The following BDNF variants were observed in gnomAD, a reference collection of about 807,000 sequenced individuals.
BDNF encodes brain derived neurotrophic factor.
BDNF carries 1 observed loss-of-function variant against 19.5 expected under a neutral mutation model. That is an observed-to-expected ratio of 0.05 (90% CI 0.02 to 0.24). The LOEUF (loss-of-function observed/expected upper bound fraction) is 0.24, where lower values mean the gene tolerates loss of function less well. Among genes scored for constraint, BDNF ranks in the 10% least tolerant of loss-of-function variants. The pLI is 1.00. For synonymous variants in BDNF, 100 were observed against 121.6 expected, an observed-to-expected ratio of 0.82 and a Z score of 1.17; for missense variants, 195 against 317.6, an observed-to-expected ratio of 0.61 and a Z score of 2.93.
chr11:27,668,443 ACTC>A (rs1854746791), intron 1 of BDNF, among the ~76,000 whole-genome samples: 1 of 151,898 alleles, frequency 6.6e-6, no homozygotes, highest in African/African-American at 2.4e-5. Context: ...AGACAGAAAA[ACTC>A]CTTCAAAAAA....
Position 27,656,911 on chromosome 11 carries a change from C to A in BDNF, c.*910G>T, listed in dbSNP as rs1051252701. The A allele has an allele frequency of 2.0e-6, 2 of 985,102 alleles. No homozygotes were observed. Among genetic ancestry groups the A allele is most frequent in the Admixed American group, 6.2e-5 (1 of 16,244 alleles). The allele number at this position is 985,102 out of a possible 1,614,324, so 61.0% of individuals were successfully genotyped here. A position where few individuals can be genotyped will look rare whatever the true frequency, so the allele number is the denominator to read the frequency against. On this transcript the variant is annotated 3_prime_UTR_variant, in exon 2 of 2. Transcript: ENST00000356660. ...TGGTAAAATATTTCAGAACGCGCAA[C>A]TGATTTTTCTTCCTTAAAACAAAAC... is the stretch of plus-strand genomic sequence containing the variant.
chr11:27,702,175 A>T (rs1377031484), upstream of BDNF, among the ~76,000 whole-genome samples: 1 of 152,212 alleles, frequency 6.6e-6, no homozygotes, highest in African/African-American at 2.4e-5. Context: ...ATTTGTGCAG[A>T]CCTTAAAATT....
chr11:27,719,982 C>A (rs1860686574), intron 1 of BDNF, among the ~76,000 whole-genome samples: 1 of 151,944 alleles, frequency 6.6e-6, no homozygotes, highest in Non-Finnish European at 1.5e-5. Flanking sequence ...GAATGTTTTG[C>A]AAAAGCTTCA....
chr11:27,701,038 G>A (rs748025933), upstream of BDNF: 34 of 1,357,766 alleles, frequency 2.5e-5, no homozygotes, highest in Middle Eastern at 2.1e-4. Context: ...ACAGAGCATG[G>A]GGGCTATTGG....
chr11:27,700,121 C>T (rs972354535), intron 1 of BDNF, 43 bp downstream of exon 1: 2 of 986,066 alleles, frequency 2.0e-6, no homozygotes, highest in Non-Finnish European at 2.4e-6. Context: ...CTCCCGCGGA[C>T]GGGCAGCTCC....
intron 1 of BDNF, chr11:27,674,432 A>C (rs1426609143): frequency 1.4e-6 from 2 of 1,439,664 alleles, no homozygotes; most frequent in Non-Finnish European, 1.8e-6. Context: ...GCTCTACCCC[A>C]GCTCCCAGCT....
At chr11:27,701,293 C>T (rs754607782), upstream of BDNF, 2 of 1,128,458 alleles carry the variant, frequency 1.8e-6, no homozygotes, top group South Asian at 2.1e-5. Flanking sequence ...GAAAACAAAC[C>T]CACCTTTTCA....
At chr11:27,666,801 C>A (rs996885367) in intron 1 of BDNF, among the ~76,000 whole-genome samples, 1 of 152,054 alleles carries the variant, frequency 6.6e-6, no homozygotes, top group Non-Finnish European at 1.5e-5. Context: ...GATTGGTGTA[C>A]CTGAAAGTGA....
At position 27,718,359 on chromosome 11, in the gene BDNF, C is replaced by CCCCT. The variant is rs1554950412; in HGVS notation, c.3+3052_3+3053insAGGG. ...CATTCCCCGTTCCGCACACCACCCC[C>CCCCT]CCCCGCCCCTCCCGGGATTTTGCAA... On this transcript the variant is annotated intron_variant, in intron 1 of 1. Transcript: ENST00000314915. Among the ~76,000 whole-genome samples the CCCCT allele has an allele frequency of 2.5e-4, 36 of 144,606 alleles. 2 individuals are homozygous for CCCCT. In the East Asian group the frequency reaches 7.2e-3, roughly 29 times the overall value. The allele number at this position is 144,606 out of a possible 152,430, so 94.9% of individuals were successfully genotyped here.
chr11:27,702,499 C>T (rs531389316), upstream of BDNF, among the ~76,000 whole-genome samples: 2 of 152,282 alleles, frequency 1.3e-5, no homozygotes, highest in East Asian at 3.9e-4. Flanking sequence ...TTTCTGTAAT[C>T]TCAAAGGGGT....
intron 1 of BDNF, among the ~76,000 whole-genome samples, chr11:27,716,036 A>C (rs1860493993): frequency 6.6e-6 from 1 of 152,200 alleles, no homozygotes; most frequent in Admixed American, 6.5e-5. Flanking sequence ...AAAATTGCCA[A>C]ATGAGATTAG....
chr11:27,661,372 C>T (rs1018566668), intron 1 of BDNF, among the ~76,000 whole-genome samples: 2 of 152,240 alleles, frequency 1.3e-5, no homozygotes, highest in African/African-American at 4.8e-5. Context: ...GATAGAAATC[C>T]TGGAATCAAG....
chr11:27,673,270 G>T (rs1855640724), intron 1 of BDNF, among the ~76,000 whole-genome samples: 1 of 151,524 alleles, frequency 6.6e-6, no homozygotes, highest in African/African-American at 2.4e-5. Context: ...AAAAAGCAAG[G>T]GTGATGCAAC....
In BDNF at chr11:27,656,578, A is replaced by T; in HGVS notation, c.*1243T>A. 1 of 985,762 alleles carries T rather than the reference A, an allele frequency of 1.0e-6. No individual in the cohort carries two copies. The highest frequency in any genetic ancestry group is 1.2e-6 in the Non-Finnish European group (1 of 829,952). The allele number at this position is 985,762 out of a possible 1,614,324, so 61.1% of individuals were successfully genotyped here. On this transcript the variant is annotated 3_prime_UTR_variant, in exon 2 of 2. Coordinates refer to ENST00000356660, the MANE Select transcript of BDNF (RefSeq NM_001709.5). ...TCCTCCCGCACTGCCGGTAAATGCA[A>T]TGCCAACTCCACATAGCCTCCATTT...
intron 1 of BDNF, among the ~76,000 whole-genome samples, chr11:27,671,922 T>C (rs1450806330): frequency 3.9e-5 from 6 of 152,174 alleles, no homozygotes; most frequent in Non-Finnish European, 8.8e-5. Context: ...GAAAAGAGGC[T>C]GCTTAGGATA....
intron 1 of BDNF, among the ~76,000 whole-genome samples, chr11:27,689,931 T>A (rs1357529739): frequency 6.6e-6 from 1 of 152,156 alleles, no homozygotes; most frequent in Non-Finnish European, 1.5e-5. Flanking sequence ...TGAGTCCATG[T>A]GTTCTCTCTG....
upstream of BDNF, among the ~76,000 whole-genome samples, chr11:27,702,283 C>T (rs1235284305): frequency 6.6e-6 from 1 of 152,190 alleles, no homozygotes; most frequent in East Asian, 1.9e-4. Flanking sequence ...AAATGAAGGT[C>T]CCTCCTCCTG....
intron 1 of BDNF, among the ~76,000 whole-genome samples, chr11:27,711,273 G>A (rs1207006835): frequency 6.6e-6 from 1 of 152,206 alleles, no homozygotes; most frequent in Non-Finnish European, 1.5e-5. Flanking sequence ...GCTCACCATA[G>A]TGAGCTCAAC....
chr11:27,672,444 C>G (rs1401635), intron 1 of BDNF, among the ~76,000 whole-genome samples: 110,478 of 151,966 alleles, frequency 0.73, 40,435 homozygotes, highest in East Asian at 0.95. Context: ...GAGTTCCTTT[C>G]GTCCTTAATG....
Sources: allele counts gnomAD v4.1 joint callset (sites outside exome capture counted in the v4.1 genomes callset), GRCh38; gene constraint gnomAD v4.1.1; transcripts MANE v1.5; gene names NCBI Gene and HGNC (gene_info 2026-07-23, HGNC 2026-07-21).